Variants in RABGAP1L observed in about 807,000 individuals in gnomAD.
RABGAP1L encodes rab GTPase-activating protein 1-like.
A neutral mutation model predicts 137.7 loss-of-function variants in RABGAP1L; 63 were observed. The observed-to-expected ratio is 0.46, with a 90% confidence interval of 0.37 to 0.56. The LOEUF is 0.56. RABGAP1L is among the 20% of genes least tolerant of loss of function. The pLI, the probability that RABGAP1L is intolerant of heterozygous loss-of-function variation, is 0.00. For missense variants in RABGAP1L, 1,095 were observed against 1,244.0 expected (o/e 0.88, Z 1.80); for synonymous variants, 431 against 433.7 (o/e 0.99, Z 0.08).
chr1:174,870,373 A>G (rs958308542), intron 19 of RABGAP1L, among the ~76,000 whole-genome samples: 1 of 152,178 alleles, frequency 6.6e-6, no homozygotes, highest in Non-Finnish European at 1.5e-5. Context: ...TATATCACTA[A>G]TTATTGTATT....
intron 18 of RABGAP1L, among the ~76,000 whole-genome samples, chr1:174,762,150 A>G (rs1685277610): frequency 6.6e-6 from 1 of 152,096 alleles, no homozygotes. Flanking sequence ...GAGGTCAGAG[A>G]AGTAAATTTT....
In RABGAP1L at chr1:174,880,543, T is replaced by C. The variant is rs1409795811; in HGVS notation, c.2340+68583T>C. Among the ~76,000 whole-genome samples the C allele has an allele frequency of 2.0e-5, 3 of 151,904 alleles. No individual in the cohort carries two copies. The East Asian group carries it at 5.8e-4, about 29-fold the overall frequency. On this transcript the variant is annotated intron_variant, in intron 19 of 25. Transcript: ENST00000681986. The stretch of plus-strand genomic sequence containing the variant: ...AGAATTCTCTTTTTTTTTCTTTTCT[T>C]TCTTTCCTTCTTTCTCCCTCCCTCC...
At chr1:174,866,783 C>T (rs1428615791) in intron 19 of RABGAP1L, among the ~76,000 whole-genome samples, 2 of 151,718 alleles carry the variant, frequency 1.3e-5, no homozygotes, top group African/African-American at 4.8e-5. Flanking sequence ...CTTGGTAGTG[C>T]ATGCCTGTAG....
chr1:174,435,099 G>A (rs1046405206), intron 13 of RABGAP1L, among the ~76,000 whole-genome samples: 2 of 152,252 alleles, frequency 1.3e-5, no homozygotes, highest in African/African-American at 4.8e-5. Flanking sequence ...ATAGCTCACT[G>A]TAGCTTAGAA....
At chr1:174,785,368 T>G (rs1358556507) in intron 18 of RABGAP1L, among the ~76,000 whole-genome samples, 1 of 152,196 alleles carries the variant, frequency 6.6e-6, no homozygotes, top group East Asian at 1.9e-4. Context: ...TCACCCTGAG[T>G]GATTTTAAAA....
chr1:174,425,814 A>G (rs1313463193), intron 13 of RABGAP1L, among the ~76,000 whole-genome samples: 2 of 152,044 alleles, frequency 1.3e-5, no homozygotes, highest in Non-Finnish European at 2.9e-5. Flanking sequence ...ATATAAAGAC[A>G]TTCCAGGGAT....
chr1:174,756,835 G>C, intron 18 of RABGAP1L: 1 of 572,406 alleles, frequency 1.7e-6, no homozygotes, highest in Non-Finnish European at 3.3e-6. Context: ...GGGATTGAGG[G>C]CTTCCCAGAA....
chr1:174,383,920 C>T (rs999015272), intron 12 of RABGAP1L, among the ~76,000 whole-genome samples: 8 of 152,068 alleles, frequency 5.3e-5, no homozygotes, highest in African/African-American at 1.9e-4. Flanking sequence ...TTATACCACC[C>T]CAGCAATTCC....
At chr1:174,394,313 A>G (rs144548035) in intron 13 of RABGAP1L, among the ~76,000 whole-genome samples, 168 bp downstream of exon 13, 1 of 152,340 alleles carries the variant, frequency 6.6e-6, no homozygotes, top group East Asian at 1.9e-4. Flanking sequence ...GTGGTAAACA[A>G]TGCACTTAGT....
chr1:174,616,775 A>G (rs1189511464), intron 13 of RABGAP1L, among the ~76,000 whole-genome samples: 3 of 152,224 alleles, frequency 2.0e-5, no homozygotes, highest in Non-Finnish European at 4.4e-5. Flanking sequence ...GTGGAATGAA[A>G]GTTCTGTTAG....
chr1:174,394,606 A>G (rs1647590040), intron 13 of RABGAP1L, among the ~76,000 whole-genome samples: 3 of 152,130 alleles, frequency 2.0e-5, no homozygotes, highest in African/African-American at 7.2e-5. Flanking sequence ...CCTTGGTTCC[A>G]CTGTAAATTC....
intron 10 of RABGAP1L, among the ~76,000 whole-genome samples, chr1:174,282,905 G>A (rs906082434): frequency 6.6e-6 from 1 of 152,128 alleles, no homozygotes; most frequent in Non-Finnish European, 1.5e-5. Flanking sequence ...ATTGACTGTA[G>A]ATGTATAAGT....
intron 13 of RABGAP1L, among the ~76,000 whole-genome samples, chr1:174,559,074 A>G (rs1667052936): frequency 1.3e-5 from 2 of 152,352 alleles, no homozygotes; most frequent in South Asian, 4.1e-4. Flanking sequence ...GAAAAGGGGC[A>G]TCTAGTCAGT....
chr1:174,327,304 A>G (rs1680516417), intron 11 of RABGAP1L, among the ~76,000 whole-genome samples: 1 of 137,482 alleles, frequency 7.3e-6, no homozygotes, highest in Non-Finnish European at 1.6e-5. Flanking sequence ...TTATGTATAT[A>G]ATAAGGTATA....
chr1:174,842,953 G>A (rs1333993187), intron 19 of RABGAP1L, among the ~76,000 whole-genome samples: 2 of 152,076 alleles, frequency 1.3e-5, no homozygotes, highest in African/African-American at 4.8e-5. Flanking sequence ...CCTCTCTGAA[G>A]GCCATGGGAC....
intron 18 of RABGAP1L, among the ~76,000 whole-genome samples, chr1:174,774,633 A>G (rs1396691306): frequency 6.6e-6 from 1 of 152,068 alleles, no homozygotes; most frequent in Non-Finnish European, 1.5e-5. Context: ...TAATCTCAGC[A>G]CTTTGGCAGG....
At chr1:174,465,228 C>G (rs1388694713) in intron 13 of RABGAP1L, among the ~76,000 whole-genome samples, 1 of 152,186 alleles carries the variant, frequency 6.6e-6, no homozygotes, top group Non-Finnish European at 1.5e-5. Context: ...GAGGCGGAGT[C>G]TCGCTCTGTC....
chr1:174,449,124 C>A (rs777179199), intron 13 of RABGAP1L: 1 of 1,613,060 alleles, frequency 6.2e-7, no homozygotes, highest in Non-Finnish European at 8.5e-7. Context: ...ATGTGCACAT[C>A]CTGTATGTGT....
rs1667972225 is a variant in RABGAP1L, at chr1:174,571,451, A to T, written c.1711-65924A>T. On this transcript the variant is annotated intron_variant, in intron 13 of 25. Transcript: ENST00000681986. ...TGGATTGTTTGTAACAGAAAGGATA[A>T]ATGCTTGAGGGGGATGGATACCCAG... Among the ~76,000 whole-genome samples, 9 of 152,204 alleles carry T rather than the reference A, an allele frequency of 5.9e-5. No individual in the cohort carries two copies. The South Asian group carries it at 1.7e-3, about 28-fold the overall frequency.
Sources: gnomAD v4.1 joint callset for allele counts (sites outside exome capture counted in the v4.1 genomes callset) on GRCh38, gnomAD v4.1.1 for gene constraint, MANE v1.5 for transcripts, NCBI Gene and HGNC (gene_info 2026-07-23, HGNC 2026-07-21) for gene names.